The following USP15 variants were observed in gnomAD, a reference collection of about 807,000 sequenced individuals.
The protein encoded by USP15 is ubiquitin specific peptidase 15.
USP15 carries 18 observed loss-of-function variants against 127.1 expected under a neutral mutation model. The observed-to-expected ratio is 0.14, with a 90% CI of 0.10 to 0.21. The LOEUF is 0.21. Among genes scored for constraint, USP15 ranks in the 10% least tolerant of loss-of-function variants. USP15 has a pLI of 1.00. For missense variants in USP15, 805 were observed against 1,159.9 expected (o/e 0.69, Z 4.44); for synonymous variants, 364 against 393.7 (o/e 0.92, Z 0.89).
intron 1 of USP15, chr12:62,274,249 CTT>C (rs886775723): frequency 6.6e-6 from 1 of 152,150 alleles, no homozygotes; most frequent in Non-Finnish European, 1.5e-5. Context: ...AATCCCAACA[CTT>C]TGAGAGGCCC....
intron 1 of USP15, among the ~76,000 whole-genome samples, chr12:62,288,286 T>C (rs2063840445): frequency 6.6e-6 from 1 of 151,880 alleles, no homozygotes; most frequent in Non-Finnish European, 1.5e-5. Flanking sequence ...CAGTGTTTTG[T>C]AGTTTTCCTT....
At chr12:62,282,336 AAAAT>A (rs1397340659) in intron 1 of USP15, among the ~76,000 whole-genome samples, 9 of 152,270 alleles carry the variant, frequency 5.9e-5, no homozygotes, top group Admixed American at 2.6e-4. Context: ...TCTCCAAAAA[AAAAT>A]AAATAAATAA....
intron 4 of USP15, among the ~76,000 whole-genome samples, chr12:62,316,011 G>T (rs988602865): frequency 6.6e-6 from 1 of 152,060 alleles, no homozygotes; most frequent in Non-Finnish European, 1.5e-5. Context: ...TTGGCCGGAC[G>T]CAGTGGCTCA....
chr12:62,286,152 A>G (rs1423017583), intron 1 of USP15, among the ~76,000 whole-genome samples: 2 of 152,244 alleles, frequency 1.3e-5, no homozygotes. Flanking sequence ...GCATACAACA[A>G]AAGACTAATA....
chr12:62,391,558 T>G (rs1446270190), intron 16 of USP15, 129 bp downstream of exon 16: 2 of 1,204,448 alleles, frequency 1.7e-6, no homozygotes, highest in African/African-American at 1.6e-5. Context: ...AAATTTTACA[T>G]GAAAGGACTT....
chr12:62,282,289 C>G (rs2063674127), intron 1 of USP15, among the ~76,000 whole-genome samples: 1 of 152,062 alleles, frequency 6.6e-6, no homozygotes, highest in Admixed American at 6.5e-5. Flanking sequence ...GATCATGCCC[C>G]ACTGCACTCC....
At chr12:62,295,604 A>G (rs1203274292) in intron 2 of USP15, among the ~76,000 whole-genome samples, 1 of 152,238 alleles carries the variant, frequency 6.6e-6, no homozygotes, top group Non-Finnish European at 1.5e-5. Flanking sequence ...GAAAAAATTA[A>G]TAAAGAACAG....
chr12:62,274,562 T>C (rs1374790996), intron 1 of USP15, among the ~76,000 whole-genome samples: 1 of 152,044 alleles, frequency 6.6e-6, no homozygotes, highest in Non-Finnish European at 1.5e-5. Context: ...AGAGAATCAC[T>C]TGAGCTCAGG....
At chr12:62,273,945 A>G (rs1301450805) in intron 1 of USP15, among the ~76,000 whole-genome samples, 1 of 152,120 alleles carries the variant, frequency 6.6e-6, no homozygotes, top group Non-Finnish European at 1.5e-5. Context: ...TGATAATGTT[A>G]TCATATCCTC....
chr12:62,375,508 A>G (rs1483829459), intron 8 of USP15, among the ~76,000 whole-genome samples: 1 of 152,174 alleles, frequency 6.6e-6, no homozygotes, highest in East Asian at 1.9e-4. Context: ...AGGGTGAATA[A>G]GACATAGACT....
chr12:62,326,052 A>T (rs1381128294), intron 6 of USP15, 119 bp downstream of exon 6: 1 of 803,534 alleles, frequency 1.2e-6, no homozygotes, highest in African/African-American at 1.7e-5. Flanking sequence ...TGCCTTGTTT[A>T]TATTTGAGTA....
At chr12:62,288,513 G>A (rs1188990154) in intron 1 of USP15, among the ~76,000 whole-genome samples, 1 of 152,056 alleles carries the variant, frequency 6.6e-6, no homozygotes, top group African/African-American at 2.4e-5. Context: ...GGAATCTTTA[G>A]AGTTATCTAG....
chr12:62,302,697 T>C (rs1312467384), intron 2 of USP15, 93 bp from the exon 3 acceptor site: 56 of 1,387,946 alleles, frequency 4.0e-5, no homozygotes, highest in Non-Finnish European at 5.4e-5. Flanking sequence ...AAACTTGTTT[T>C]AAATACTTAA....
intron 3 of USP15, among the ~76,000 whole-genome samples, chr12:62,304,152 A>G (rs1449274846): frequency 6.6e-6 from 1 of 152,244 alleles, no homozygotes; most frequent in South Asian, 2.1e-4. Flanking sequence ...AAACAGATCA[A>G]CTACCAATTT....
At chr12:62,384,517 T>C (rs1344616022) in intron 11 of USP15, among the ~76,000 whole-genome samples, 1 of 151,674 alleles carries the variant, frequency 6.6e-6, no homozygotes, top group Non-Finnish European at 1.5e-5. Context: ...GTGTGTCTTA[T>C]AAAAAATTCT....
At chr12:62,302,230 C>T (rs2064340737) in intron 2 of USP15, among the ~76,000 whole-genome samples, 1 of 152,066 alleles carries the variant, frequency 6.6e-6, no homozygotes, top group South Asian at 2.1e-4. Flanking sequence ...TGTTGATTTG[C>T]TTCTGAATTT....
intron 1 of USP15, among the ~76,000 whole-genome samples, chr12:62,262,751 C>T (rs2137018819): frequency 6.6e-6 from 1 of 152,248 alleles, no homozygotes; most frequent in Non-Finnish European, 1.5e-5. Flanking sequence ...AGTGATCCAC[C>T]TCAGCCTCCC....
chr12:62,285,643 G>A (rs1417810529), intron 1 of USP15, among the ~76,000 whole-genome samples: 2 of 152,062 alleles, frequency 1.3e-5, no homozygotes, highest in African/African-American at 4.8e-5. Flanking sequence ...TGGTGTGTGT[G>A]TGTGTATCCA....
Position 62,408,268 on chromosome 12 carries a change from G to C in USP15, c.*3893G>C, listed in dbSNP as rs1007762893. 6.6e-6 allele frequency: 1 copy of C among 151,958 alleles called. No homozygotes were observed. The highest frequency in any genetic ancestry group is 1.5e-5 in the Non-Finnish European group (1 of 67,966). The allele number at this position is 151,958 out of a possible 1,614,324, so 9.4% of individuals were successfully genotyped here. The stretch of plus-strand genomic sequence containing the variant: ...GTGACAAGAAAAAGGCCAATTTTTT[G>C]TTTTGTTATTTTTAAGTTACCTACA... On this transcript the variant is annotated 3_prime_UTR_variant, in exon 22 of 22. Coordinates refer to ENST00000280377, the MANE Select transcript of USP15 (RefSeq NM_001252078.2).
Sources: gnomAD v4.1 joint callset for allele counts (sites outside exome capture counted in the v4.1 genomes callset) on GRCh38, gnomAD v4.1.1 for gene constraint, MANE v1.5 for transcripts, NCBI Gene and HGNC (gene_info 2026-07-23, HGNC 2026-07-21) for gene names.